NRG2: variants seen among roughly 807,000 people sequenced by gnomAD.
NRG2 encodes the protein pro-neuregulin-2, membrane-bound isoform.
In NRG2, 27 loss-of-function variants were observed where a neutral mutation model predicts 73.9. The ratio of observed to expected loss-of-function variants is 0.37; its 90% CI spans 0.27 to 0.50. The LOEUF is 0.50. Among genes scored for constraint, NRG2 ranks in the 20% least tolerant of loss-of-function variants. The pLI is 0.96. For synonymous variants in NRG2, 532 were observed against 541.0 expected (o/e 0.98, Z 0.23); for missense variants, 1,126 against 1,210.1 (o/e 0.93, Z 1.03).
intron 1 of NRG2, among the ~76,000 whole-genome samples, chr5:139,966,318 G>T (rs1285355325): frequency 6.6e-6 from 1 of 152,204 alleles, no homozygotes; most frequent in African/African-American, 2.4e-5. Context: ...GAGCACTTAC[G>T]CGACAGGTAC....
At chr5:139,863,069 C>T (rs1412679004) in intron 5 of NRG2, among the ~76,000 whole-genome samples, 2 of 152,198 alleles carry the variant, frequency 1.3e-5, no homozygotes, top group Non-Finnish European at 1.5e-5. Context: ...AAATTGTGCT[C>T]CAATCACAAT....
At chr5:139,919,578 C>T (rs950801777) in intron 1 of NRG2, among the ~76,000 whole-genome samples, 4 of 152,062 alleles carry the variant, frequency 2.6e-5, no homozygotes, top group African/African-American at 7.2e-5. Flanking sequence ...CTAGTACATG[C>T]AAGCTAAAGA....
At chr5:139,955,608 T>A (rs1465556737) in intron 1 of NRG2, among the ~76,000 whole-genome samples, 2 of 152,174 alleles carry the variant, frequency 1.3e-5, no homozygotes, top group South Asian at 2.1e-4. Context: ...AACTCTCTCA[T>A]GGCTGCCAGA....
chr5:139,940,908 T>C (rs1248006411), intron 1 of NRG2, among the ~76,000 whole-genome samples: 1 of 152,174 alleles, frequency 6.6e-6, no homozygotes. Context: ...AGGGTATCTG[T>C]CTCACAGTGG....
At chr5:140,001,405 G>A (rs868855882) in intron 1 of NRG2, among the ~76,000 whole-genome samples, 6 of 152,226 alleles carry the variant, frequency 3.9e-5, no homozygotes, top group Admixed American at 1.3e-4. Flanking sequence ...TGAAAATACA[G>A]ATCATGTCTT....
At chr5:140,011,188 TC>T (rs775073853) in intron 1 of NRG2, among the ~76,000 whole-genome samples, 11 of 152,254 alleles carry the variant, frequency 7.2e-5, no homozygotes, top group Non-Finnish European at 1.5e-4. Flanking sequence ...TGCAATAGCA[TC>T]TTTTGCCACT....
intron 3 of NRG2, among the ~76,000 whole-genome samples, chr5:139,877,479 T>G (rs891453134): frequency 6.6e-6 from 1 of 152,196 alleles, no homozygotes; most frequent in Non-Finnish European, 1.5e-5. Flanking sequence ...TTGGGATGAG[T>G]CAGAGGGGGC....
rs1282353788 is a variant in NRG2, at chr5:139,921,527, T to C, written c.701-34016A>G. 3.3e-5 allele frequency among the ~76,000 whole-genome samples: 5 copies of C among 152,200 alleles called. No homozygotes were observed. The South Asian group carries it at 8.3e-4, about 25-fold the overall frequency. On this transcript the variant is annotated intron_variant, in intron 1 of 9. Transcript: ENST00000361474. ...ATCTTTACACCCAGCGGTGCTGGAATACTACAGGTAACTTAACAGCTACCT... is the reference window on the plus strand; with the variant it reads ...ATCTTTACACCCAGCGGTGCTGGAACACTACAGGTAACTTAACAGCTACCT...
At chr5:140,030,042 A>T (rs1761013477) in intron 1 of NRG2, among the ~76,000 whole-genome samples, 1 of 152,164 alleles carries the variant, frequency 6.6e-6, no homozygotes, top group Non-Finnish European at 1.5e-5. Context: ...ACAGAAAGTA[A>T]TCTTTGAACC....
intron 1 of NRG2, among the ~76,000 whole-genome samples, chr5:139,980,925 T>A (rs1756750819): frequency 6.6e-6 from 1 of 152,158 alleles, no homozygotes; most frequent in Admixed American, 6.5e-5. Flanking sequence ...AGGAGCTTGG[T>A]TGTGCAGAGA....
chr5:139,851,398 C>A lies in NRG2; in HGVS notation c.1772+206G>T, dbSNP rs1257216518. Among the ~76,000 whole-genome samples the A allele has an allele frequency of 6.6e-6, 1 of 152,254 alleles. No homozygotes were observed. The highest frequency in any genetic ancestry group is 2.4e-5 in the African/African-American group (1 of 41,460). ...GATGGTCACTGTCCACCAGGGTCCACTGGCCCAACTCTAGTCCCAGTCTGT... is the reference window on the plus strand; with the variant it reads ...GATGGTCACTGTCCACCAGGGTCCAATGGCCCAACTCTAGTCCCAGTCTGT... On this transcript the variant is annotated intron_variant, in intron 9 of 9. Coordinates refer to ENST00000361474, the MANE Select transcript of NRG2 (RefSeq NM_004883.3). The surrounding 1 kb of genome is among the most constrained non-coding windows in gnomAD (Gnocchi z 4.2).
chr5:139,881,433 G>A (rs563319300), intron 2 of NRG2, among the ~76,000 whole-genome samples: 1 of 152,358 alleles, frequency 6.6e-6, no homozygotes, highest in East Asian at 1.9e-4. Context: ...TTCCCATGGT[G>A]ATGGTGCCCA....
intron 1 of NRG2, among the ~76,000 whole-genome samples, chr5:140,014,991 A>G (rs1759656060): frequency 6.6e-6 from 1 of 152,102 alleles, no homozygotes; most frequent in Non-Finnish European, 1.5e-5. Flanking sequence ...CACCTTAGGG[A>G]GAACTCCCTC....
intron 1 of NRG2, among the ~76,000 whole-genome samples, chr5:139,922,950 G>T (rs1339380794): frequency 1.3e-5 from 2 of 152,188 alleles, no homozygotes; most frequent in Non-Finnish European, 2.9e-5. Flanking sequence ...AGGTTGAGGG[G>T]AGGGAGGAAT....
At chr5:139,993,805 T>A (rs1372588702) in intron 1 of NRG2, among the ~76,000 whole-genome samples, 1 of 152,102 alleles carries the variant, frequency 6.6e-6, no homozygotes, top group Non-Finnish European at 1.5e-5. Context: ...TAAAGGAGTA[T>A]GTATCAGTGA....
intron 1 of NRG2, among the ~76,000 whole-genome samples, chr5:140,002,026 A>T (rs1758525611): frequency 6.6e-6 from 1 of 152,000 alleles, no homozygotes; most frequent in South Asian, 2.1e-4. Flanking sequence ...TCTACAAAAA[A>T]TAAAAATATT....
intron 1 of NRG2, among the ~76,000 whole-genome samples, chr5:139,891,375 C>A (rs568588099): frequency 6.6e-6 from 1 of 152,266 alleles, no homozygotes; most frequent in East Asian, 1.9e-4. Context: ...AACACAGGAC[C>A]GCATTTCAGA....
chr5:139,927,766 A>C (rs1752174457), intron 1 of NRG2, among the ~76,000 whole-genome samples: 1 of 73,048 alleles, frequency 1.4e-5, no homozygotes, highest in African/African-American at 7.1e-5. Flanking sequence ...CCTTGTCTCA[A>C]AAAAAAAAAA....
chr5:139,970,405 T>C lies in NRG2; in HGVS notation c.700+71965A>G, dbSNP rs115020517. 5.6e-3 allele frequency among the ~76,000 whole-genome samples: 846 copies of C among 152,050 alleles called. 10 individuals carry two copies. The highest frequency in any genetic ancestry group is 0.019 in the African/African-American group (807 of 41,444). ...TCACATGATAAGGAGGTAGGCTTCA[T>C]AGGACCACCAAGACTAGAGCAACAT... On this transcript the variant is annotated intron_variant, in intron 1 of 9. Transcript: ENST00000361474.
Sources: gnomAD v4.1 joint callset for allele counts (sites outside exome capture counted in the v4.1 genomes callset) on GRCh38, gnomAD v4.1.1 for gene constraint, Gnocchi (gnomAD v3.1) non-coding constraint, MANE v1.5 for transcripts, NCBI Gene and HGNC (gene_info 2026-07-23, HGNC 2026-07-21) for gene names.